The following FAM153A variants were observed in gnomAD, a reference collection of about 807,000 sequenced individuals.
The protein encoded by FAM153A is protein FAM153A.
FAM153A carries 12 observed loss-of-function variants against 48.1 expected under a neutral mutation model. The observed-to-expected ratio is 0.25, with a 90% confidence interval of 0.16 to 0.40. The LOEUF (loss-of-function observed/expected upper bound fraction) is 0.40, where lower values mean the gene tolerates loss of function less well. Ranked by LOEUF, FAM153A falls within the 10% of genes least tolerant of loss-of-function variation. The pLI is 1.00. For synonymous variants in FAM153A, 36 were observed against 118.2 expected (o/e 0.30, Z 4.51); for missense variants, 111 against 345.8 (o/e 0.32, Z 5.38).
At chr5:177,706,854 A>G (rs575114966), downstream of FAM153A, 1 of 152,096 alleles carries the variant, frequency 6.6e-6, no homozygotes, top group East Asian at 1.9e-4. Flanking sequence ...AGATTCAATG[A>G]AGATGATAAG....
upstream of FAM153A, among the ~76,000 whole-genome samples, chr5:177,754,887 A>G (rs189983328): frequency 0.076 from 11,476 of 151,904 alleles, 521 homozygotes; most frequent in Non-Finnish European, 0.09. Context: ...AAAGATGGGG[A>G]AAAACAGAGC....
intron 6 of FAM153A, among the ~76,000 whole-genome samples, chr5:177,743,631 C>A (rs1192667784): frequency 1.0e-5 from 1 of 96,390 alleles, no homozygotes; most frequent in South Asian, 3.8e-4. Context: ...TGAGGCTGCT[C>A]CAGGGTCTAA....
At position 177,766,010 on chromosome 5, in the gene FAM153A, A is replaced by AG. The variant is rs1465784963; in HGVS notation, c.-57+14438dup. Reference sequence around the variant, plus strand: ...CAAGTGCATGTAATCCCAGCTACTCAGGAGGCTGAGGCAGGAGAATCGCTT... The same window carrying AG: ...CAAGTGCATGTAATCCCAGCTACTCAGGGAGGCTGAGGCAGGAGAATCGCTT... On this transcript the variant is annotated intron_variant, in intron 1 of 8. Transcript: ENST00000393518. Among the ~76,000 whole-genome samples the AG allele has an allele frequency of 2.8e-5, 3 of 107,606 alleles. 1 individual carries two copies. The highest frequency in any genetic ancestry group is 6.3e-5 in the Non-Finnish European group (3 of 47,956). The allele number at this position is 107,606 out of a possible 152,430, so 70.6% of individuals were successfully genotyped here.
At chr5:177,698,582 G>GT in the FAM153A span, among the ~76,000 whole-genome samples, 1 of 151,816 alleles carries the variant, frequency 6.6e-6, no homozygotes, top group Non-Finnish European at 1.5e-5. Flanking sequence ...TTTATCGTAA[G>GT]TTTAAATAGT....
chr5:177,700,727 A>C, the FAM153A span, among the ~76,000 whole-genome samples: 1 of 151,834 alleles, frequency 6.6e-6, no homozygotes, highest in Non-Finnish European at 1.5e-5. Context: ...ACTTGAACCC[A>C]GGAGGCGGAG....
intron 16 of FAM153A, among the ~76,000 whole-genome samples, chr5:177,730,654 G>C (rs1461652798): frequency 8.9e-3 from 1,193 of 134,802 alleles, no homozygotes; most frequent in African/African-American, 0.027. Context: ...GCTGGGATCA[G>C]TTGGCCTAGG....
downstream of FAM153A, among the ~76,000 whole-genome samples, chr5:177,718,905 AG>A (rs1760464229): frequency 7.2e-6 from 1 of 138,170 alleles, no homozygotes; most frequent in African/African-American, 3.3e-5. Context: ...TTTTTGAGAT[AG>A]AGTCTTGTTC....
At chr5:177,707,716 C>T (rs1240323560), downstream of FAM153A, among the ~76,000 whole-genome samples, 5 of 151,678 alleles carry the variant, frequency 3.3e-5, no homozygotes, top group East Asian at 3.9e-4. Flanking sequence ...TGCGCCACCA[C>T]GCCCAGCTAA....
exon 27 of FAM153A, chr5:177,711,572 T>C (rs1305824518): frequency 6.6e-6 from 1 of 151,894 alleles, no homozygotes; most frequent in Admixed American, 6.6e-5. Flanking sequence ...CAAGGAGGAA[T>C]ATGGTGGGTG....
the FAM153A span, among the ~76,000 whole-genome samples, chr5:177,700,106 C>T: frequency 2.4e-3 from 368 of 152,036 alleles, 8 homozygotes; most frequent in African/African-American, 8.3e-3. Context: ...ACAAAACCCA[C>T]ATAATCATCT....
chr5:177,751,548 C>T (rs1029417688), intron 1 of FAM153A, among the ~76,000 whole-genome samples: 3 of 127,264 alleles, frequency 2.4e-5, no homozygotes, highest in Non-Finnish European at 5.0e-5. Flanking sequence ...TTGGGGGACT[C>T]CAGGGCAGTG....
downstream of FAM153A, among the ~76,000 whole-genome samples, chr5:177,707,708 C>T (rs904163306): frequency 1.2e-4 from 18 of 151,658 alleles, no homozygotes; most frequent in East Asian, 5.8e-4. Flanking sequence ...TACAGTCATG[C>T]GCCACCACGC....
At chr5:177,715,864 G>A (rs534091450) in intron 25 of FAM153A, among the ~76,000 whole-genome samples, 23 of 151,578 alleles carry the variant, frequency 1.5e-4, no homozygotes, top group Non-Finnish European at 2.5e-4. Context: ...TTGTAGAAAC[G>A]GGGTCTTGCT....
rs1394512362 is a variant in FAM153A, at chr5:177,767,857, G to A, written c.-57+12592C>T. Among the ~76,000 whole-genome samples, 5 of 95,526 alleles carry A rather than the reference G, an allele frequency of 5.2e-5. 2 individuals carry two copies. The highest frequency in any genetic ancestry group is 2.0e-4 in the African/African-American group (5 of 25,190). 62.7% of individuals were successfully genotyped at this position (95,526 alleles called of 152,430 possible). A position where few individuals can be genotyped will look rare whatever the true frequency, so the allele number is the denominator to read the frequency against. On this transcript the variant is annotated intron_variant, in intron 1 of 8. Transcript: ENST00000393518. ...CACAGCAACAATCATCAACAAAGAA[G>A]TCTCCTGTGACAAAACGTGTGGAGG...
At chr5:177,730,230 G>C (rs1236972564) in intron 16 of FAM153A, among the ~76,000 whole-genome samples, 1 of 115,562 alleles carries the variant, frequency 8.7e-6, no homozygotes, top group African/African-American at 2.8e-5. Flanking sequence ...GGGGAGCAGC[G>C]AGGGGGTGCG....
upstream of FAM153A, among the ~76,000 whole-genome samples, chr5:177,755,701 A>AT (rs1022870662): frequency 6.7e-4 from 101 of 151,748 alleles, no homozygotes; most frequent in Non-Finnish European, 5.0e-4. Context: ...AAAGAAAAGA[A>AT]TTTTCAACCC....
intron 10 of FAM153A, among the ~76,000 whole-genome samples, chr5:177,738,346 C>T (rs2127654203): frequency 6.6e-6 from 1 of 151,458 alleles, no homozygotes; most frequent in South Asian, 2.1e-4. Context: ...AAAAGCCTGA[C>T]CTCGCAATGT....
downstream of FAM153A, among the ~76,000 whole-genome samples, chr5:177,708,492 G>A (rs143189112): frequency 6.2e-3 from 943 of 151,738 alleles, 21 homozygotes; most frequent in African/African-American, 0.022. Flanking sequence ...TAGGAGAATC[G>A]CTTGAACCCG....
rs1261684837 is a variant in FAM153A at position 177,758,513 on chromosome 5, G to A, written c.-56-9814C>T. On this transcript the variant is annotated intron_variant, in intron 1 of 8. Coordinates refer to the FAM153A transcript ENST00000393518. Reference sequence around the variant, plus strand: ...ATGGAACCAAAAAAGAGCCCGCATCGCCAAGTCAATCCTAAGCCAAAAGAA... The same window carrying A: ...ATGGAACCAAAAAAGAGCCCGCATCACCAAGTCAATCCTAAGCCAAAAGAA... Among the ~76,000 whole-genome samples the A allele has an allele frequency of 1.9e-4, 26 of 135,846 alleles. 1 individual carries two copies. Among genetic ancestry groups the A allele is most frequent in the African/African-American group, 6.2e-4 (24 of 38,732 alleles). 89.1% of individuals were successfully genotyped at this position (135,846 alleles called of 152,430 possible).
Sources: allele counts gnomAD v4.1 joint callset (sites outside exome capture counted in the v4.1 genomes callset), GRCh38; gene constraint gnomAD v4.1.1; transcripts MANE v1.5; gene names NCBI Gene and HGNC (gene_info 2026-07-23, HGNC 2026-07-21).